RBFOX1: variants seen among roughly 807,000 people sequenced by gnomAD.
RBFOX1 encodes the protein RNA binding protein fox-1 homolog 1.
In RBFOX1, 8 loss-of-function variants were observed where a neutral mutation model predicts 57.7. That is an observed-to-expected ratio of 0.14 (90% confidence interval 0.08 to 0.25). The LOEUF (loss-of-function observed/expected upper bound fraction) is 0.25. RBFOX1 is among the 10% of genes least tolerant of loss of function. The pLI is 1.00. For missense variants in RBFOX1, 611 were observed against 548.5 expected, an observed-to-expected ratio of 1.11 and a Z score of -1.14; for synonymous variants, 326 against 222.4, an observed-to-expected ratio of 1.47 and a Z score of -4.15.
chr16:6,058,651 C>G (rs1224774702), intron 1 of RBFOX1, among the ~76,000 whole-genome samples: 1 of 151,050 alleles, frequency 6.6e-6, no homozygotes, highest in Non-Finnish European at 1.5e-5. Flanking sequence ...CCCATCCATC[C>G]ACCCATCCAT....
intron 2 of RBFOX1, among the ~76,000 whole-genome samples, chr16:6,415,848 C>G (rs1350575152): frequency 1.3e-5 from 2 of 152,200 alleles, no homozygotes; most frequent in African/African-American, 4.8e-5. Flanking sequence ...ACTTCGAAGT[C>G]TCTATCGGTG....
At chr16:6,703,215 A>G (rs148667592) in intron 3 of RBFOX1, among the ~76,000 whole-genome samples, 1 of 152,252 alleles carries the variant, frequency 6.6e-6, no homozygotes, top group African/African-American at 2.4e-5. Flanking sequence ...GGCTACTGTA[A>G]ATAATGCTTC....
chr16:6,375,967 C>A (rs2091121879), intron 2 of RBFOX1, among the ~76,000 whole-genome samples: 1 of 152,074 alleles, frequency 6.6e-6, no homozygotes, highest in Admixed American at 6.5e-5. Flanking sequence ...TTTGGATCAC[C>A]CTGCTGCCTC....
intron 4 of RBFOX1, among the ~76,000 whole-genome samples, chr16:5,896,310 T>A (rs1452146131): frequency 6.6e-6 from 1 of 152,078 alleles, no homozygotes; most frequent in Non-Finnish European, 1.5e-5. Flanking sequence ...CTGGGAGGTG[T>A]TTTGATCGTG....
chr16:6,015,491 A>G (rs2094987941), upstream of RBFOX1, among the ~76,000 whole-genome samples: 1 of 152,230 alleles, frequency 6.6e-6, no homozygotes, highest in South Asian at 2.1e-4. Flanking sequence ...AATACGCCTT[A>G]CAAATCATTT....
At chr16:6,508,144 A>C (rs1283780149) in intron 2 of RBFOX1, among the ~76,000 whole-genome samples, 1 of 152,192 alleles carries the variant, frequency 6.6e-6, no homozygotes, top group Non-Finnish European at 1.5e-5. Flanking sequence ...GTTCTCACTT[A>C]TAAGTGAGAG....
At position 7,272,099 on chromosome 16, in the gene RBFOX1, A is replaced by G. The variant is rs533079139; in HGVS notation, c.27+220001A>G. 3.0e-4 allele frequency among the ~76,000 whole-genome samples: 45 copies of G among 152,348 alleles called. 1 individual carries two copies. The highest frequency in any genetic ancestry group is 1.0e-3 in the African/African-American group (43 of 41,580). On this transcript the variant is annotated intron_variant, in intron 4 of 15. Transcript: ENST00000550418. Reference sequence around the variant, plus strand: ...TCATATCCCCATTGTCGGCGTTTGTAAGACCCCAAATGCTCCTGAAAACTT... The same window carrying G: ...TCATATCCCCATTGTCGGCGTTTGTGAGACCCCAAATGCTCCTGAAAACTT...
chr16:5,834,616 A>AGATAGATAGATT (rs1555541374), intron 3 of RBFOX1, among the ~76,000 whole-genome samples: 2 of 151,486 alleles, frequency 1.3e-5, no homozygotes, highest in African/African-American at 4.9e-5. Flanking sequence ...ATAGATAGAT[A>AGATAGATAGATT]GATAGATTGA....
intron 14 of RBFOX1, among the ~76,000 whole-genome samples, 195 bp from the exon 15 acceptor site, chr16:7,708,861 C>T (rs1019724425): frequency 1.3e-5 from 2 of 151,956 alleles, no homozygotes; most frequent in Admixed American, 6.6e-5. Context: ...ATAGCAATAG[C>T]AACCATGTTA....
chr16:7,189,183 T>G (rs2084686363), intron 4 of RBFOX1, among the ~76,000 whole-genome samples: 1 of 151,932 alleles, frequency 6.6e-6, no homozygotes, highest in Non-Finnish European at 1.5e-5. Flanking sequence ...CCCAGCACTT[T>G]GGGAGGCCGA....
chr16:5,678,309 G>T (rs1276292878), intron 3 of RBFOX1, among the ~76,000 whole-genome samples: 2 of 152,186 alleles, frequency 1.3e-5, no homozygotes, highest in Non-Finnish European at 2.9e-5. Flanking sequence ...GGTGTCATCT[G>T]GGTTTAGCGG....
At position 6,830,552 on chromosome 16, in the gene RBFOX1, A is replaced by G. The variant is rs555786558; in HGVS notation, c.-16+175902A>G. ...GGGACAGCTGGCAATATCTGGAGGC[A>G]TTCTGGTTTGTCAGAATGGGGTGGG... is the stretch of plus-strand genomic sequence containing the variant. On this transcript the variant is annotated intron_variant, in intron 3 of 15. Coordinates refer to ENST00000550418, the MANE Select transcript of RBFOX1 (RefSeq NM_018723.4). 3.8e-3 allele frequency among the ~76,000 whole-genome samples: 572 copies of G among 152,284 alleles called. 5 individuals are homozygous for G. Among genetic ancestry groups the G allele is most frequent in the African/African-American group, 0.013 (535 of 41,562 alleles).
At chr16:6,334,711 G>T (rs2083428199) in intron 2 of RBFOX1, among the ~76,000 whole-genome samples, 1 of 152,110 alleles carries the variant, frequency 6.6e-6, no homozygotes. Context: ...ATTCGCAGAG[G>T]ATCCCTGTAG....
chr16:6,302,021 T>C (rs967802124), intron 1 of RBFOX1, among the ~76,000 whole-genome samples: 4 of 152,142 alleles, frequency 2.6e-5, no homozygotes, highest in African/African-American at 9.7e-5. Flanking sequence ...TTTTCAGTTC[T>C]TACCACTATA....
intron 14 of RBFOX1, among the ~76,000 whole-genome samples, chr16:7,705,486 C>T (rs964934398): frequency 3.9e-5 from 6 of 152,124 alleles, no homozygotes; most frequent in Non-Finnish European, 7.3e-5. Context: ...GCCTTAGCAA[C>T]AGAGCAAGAC....
intron 5 of RBFOX1, among the ~76,000 whole-genome samples, chr16:7,527,625 C>T (rs1164617985): frequency 6.6e-6 from 1 of 152,076 alleles, no homozygotes; most frequent in Non-Finnish European, 1.5e-5. Context: ...TCTGTCTGAC[C>T]CAGAGTGGGA....
At chr16:6,486,299 T>G (rs923935178) in intron 2 of RBFOX1, among the ~76,000 whole-genome samples, 2 of 152,002 alleles carry the variant, frequency 1.3e-5, no homozygotes, top group Non-Finnish European at 2.9e-5. Context: ...TATTACAACA[T>G]CTAGTGAAGA....
chr16:6,862,983 TAA>T (rs555165914), intron 3 of RBFOX1, among the ~76,000 whole-genome samples: 4 of 138,532 alleles, frequency 2.9e-5, no homozygotes, highest in South Asian at 2.3e-4. Context: ...AGACTCTGTC[TAA>T]AAAAAAAAAA....
chr16:7,485,870 C>A (rs1301166376), intron 4 of RBFOX1, among the ~76,000 whole-genome samples: 1 of 152,162 alleles, frequency 6.6e-6, no homozygotes, highest in Non-Finnish European at 1.5e-5. Flanking sequence ...GGCCCATCAC[C>A]TATTTTTGTA....
Sources: allele counts gnomAD v4.1 joint callset (sites outside exome capture counted in the v4.1 genomes callset), GRCh38; gene constraint gnomAD v4.1.1; transcripts MANE v1.5; gene names NCBI Gene and HGNC (gene_info 2026-07-23, HGNC 2026-07-21).